Variants in AFAP1L1 observed in about 807,000 individuals in gnomAD.
AFAP1L1 encodes the protein actin filament associated protein 1 like 1, also known as actin filament-associated protein 1-like 1.
Under a neutral mutation model 99.8 loss-of-function variants are expected in AFAP1L1, and 77 were observed. That is an observed-to-expected ratio of 0.77 (90% CI 0.64 to 0.93). The LOEUF is 0.93. Among genes scored for constraint, AFAP1L1 ranks in the 40% least tolerant of loss-of-function variants. The pLI, the probability that AFAP1L1 is intolerant of heterozygous loss-of-function variation, is 0.00. For synonymous variants in AFAP1L1, 373 were observed against 395.3 expected, an observed-to-expected ratio of 0.94 and a Z score of 0.67; for missense variants, 893 against 996.8, an observed-to-expected ratio of 0.90 and a Z score of 1.40.
At chr5:149,314,861 C>T (rs1020424508) in intron 9 of AFAP1L1, among the ~76,000 whole-genome samples, 27 of 152,204 alleles carry the variant, frequency 1.8e-4, no homozygotes, top group African/African-American at 6.5e-4. Flanking sequence ...TCATTTAATC[C>T]TGGCCCAAGT....
chr5:149,304,510 C>G (rs1756333093), intron 5 of AFAP1L1, among the ~76,000 whole-genome samples: 1 of 152,214 alleles, frequency 6.6e-6, no homozygotes, highest in African/African-American at 2.4e-5. Context: ...GAACTCACTT[C>G]CCTCTCAGAC....
chr5:149,305,044 T>C (rs550040842), intron 5 of AFAP1L1, among the ~76,000 whole-genome samples: 1 of 152,344 alleles, frequency 6.6e-6, no homozygotes, highest in East Asian at 1.9e-4. Context: ...TGTGGCTTGC[T>C]TCCTTGTCTA....
intron 12 of AFAP1L1, among the ~76,000 whole-genome samples, chr5:149,319,212 G>T (rs1006386328): frequency 2.0e-5 from 3 of 152,190 alleles, no homozygotes; most frequent in Admixed American, 2.0e-4. Context: ...AGTTATATGA[G>T]AAATGGCCTC....
chr5:149,339,716 A>G (rs537393861), intron 18 of AFAP1L1, among the ~76,000 whole-genome samples: 1 of 152,344 alleles, frequency 6.6e-6, no homozygotes, highest in South Asian at 2.1e-4. Flanking sequence ...TTGTTCTAAC[A>G]TAATGGATCT....
intron 6 of AFAP1L1, among the ~76,000 whole-genome samples, 177 bp downstream of exon 6, chr5:149,306,581 G>A (rs1016174060): frequency 1.4e-4 from 21 of 152,248 alleles, no homozygotes; most frequent in African/African-American, 5.1e-4. Flanking sequence ...AAAGACCGCT[G>A]GAATGGGAGT....
chr5:149,336,922 C>G (rs1336085021), intron 18 of AFAP1L1, among the ~76,000 whole-genome samples: 1 of 152,072 alleles, frequency 6.6e-6, no homozygotes, highest in East Asian at 1.9e-4. Flanking sequence ...GCTCAGGAAG[C>G]CTTTCTAGAC....
Position 149,317,823 on chromosome 5 carries a change from G to A in AFAP1L1, c.1362G>A (p.Leu454=), listed in dbSNP as rs1464646991. 3 of 1,612,958 alleles carry A rather than the reference G, an allele frequency of 1.9e-6. No homozygotes were observed. Among genetic ancestry groups the A allele is most frequent in the Non-Finnish European group, 1.7e-6 (2 of 1,179,636 alleles). ...ATTTCCACAAGGATCACATGGACCT[G>A]CGAACCCATGTGAACGCCATCGCCC... is the stretch of plus-strand genomic sequence containing the variant. ...TLYFHKDHMD[L]RTHVNAIALQ... Residue 454 remains leucine (L), a synonymous_variant, in exon 12 of 19, where the codon CTG becomes CTA. Transcript: ENST00000296721.
At chr5:149,307,887 G>T (rs1003699342) in intron 7 of AFAP1L1, among the ~76,000 whole-genome samples, 3 of 132,126 alleles carry the variant, frequency 2.3e-5, no homozygotes, top group African/African-American at 8.4e-5. Context: ...TAGGCACGGT[G>T]GCTCACACCT....
chr5:149,286,565 C>G (rs1485831987), intron 1 of AFAP1L1, among the ~76,000 whole-genome samples: 1 of 152,180 alleles, frequency 6.6e-6, no homozygotes, highest in Non-Finnish European at 1.5e-5. Context: ...CCACCTAATG[C>G]TTTGTTTTTC....
At chr5:149,290,348 T>C (rs1311028895) in intron 1 of AFAP1L1, among the ~76,000 whole-genome samples, 5 of 152,238 alleles carry the variant, frequency 3.3e-5, no homozygotes, top group Admixed American at 3.3e-4. Flanking sequence ...GCTTACTATG[T>C]GCCAGACTCT....
At chr5:149,316,946 C>G (rs1283801234) in intron 11 of AFAP1L1, among the ~76,000 whole-genome samples, 4 of 152,172 alleles carry the variant, frequency 2.6e-5, no homozygotes, top group African/African-American at 7.2e-5. Flanking sequence ...GGGAGGATCA[C>G]TTGAGCCCTG....
intron 15 of AFAP1L1, among the ~76,000 whole-genome samples, chr5:149,326,969 C>A (rs1179251938): frequency 2.6e-5 from 4 of 152,136 alleles, no homozygotes; most frequent in Non-Finnish European, 5.9e-5. Context: ...AACAACCCAA[C>A]AACCCGGTTG....
rs985353506 is a variant in AFAP1L1, at chr5:149,312,161, T to A, written c.977T>A (p.Val326Asp). ...KPVGGAEGVE[V>D]PRSPVLLCKL... ...GTTGGGGGAGCTGAGGGAGTGGAGG[T>A]CCCCAGATCCCCAGTCCTCCTGTGC... Residue 326 changes from valine (V) to aspartate (D), a missense_variant, in exon 9 of 19, where the codon GTC becomes GAC. Physicochemically the swap from Val to Asp is radical, Grantham distance 152 (BLOSUM62 -3). Transcript: ENST00000296721. 1.9e-6 allele frequency: 3 copies of A among 1,613,824 alleles called. No individual in the cohort carries two copies. The highest frequency in any genetic ancestry group is 2.7e-5 in the African/African-American group (2 of 74,862).
At chr5:149,329,856 C>T in intron 16 of AFAP1L1, 26 bp downstream of exon 16, 1 of 1,572,648 alleles carries the variant, frequency 6.4e-7, no homozygotes, top group Non-Finnish European at 8.6e-7. Flanking sequence ...TGGTCCTGAG[C>T]ACCTATGGGT....
chr5:149,321,909 T>C (rs912655072), intron 14 of AFAP1L1, among the ~76,000 whole-genome samples: 4 of 151,910 alleles, frequency 2.6e-5, no homozygotes, highest in African/African-American at 9.7e-5. Flanking sequence ...TGCACATCTG[T>C]TGTCCCAACT....
At chr5:149,273,231 C>A (rs761710059) in intron 1 of AFAP1L1, among the ~76,000 whole-genome samples, 3 of 150,210 alleles carry the variant, frequency 2.0e-5, no homozygotes, top group Admixed American at 6.7e-5. Context: ...GTTGTTGTTG[C>A]TGTTATTAAT....
At chr5:149,303,685 AACAC>A (rs145563644) in intron 5 of AFAP1L1, among the ~76,000 whole-genome samples, 11 of 151,740 alleles carry the variant, frequency 7.2e-5, no homozygotes, top group Non-Finnish European at 1.0e-4. Flanking sequence ...GGTGTACACA[AACAC>A]ACACACACAC....
Position 149,307,568 on chromosome 5 carries a change from G to A in AFAP1L1, c.702G>A (p.Gly234=), listed in dbSNP as rs1756460812. The part of the protein sequence containing the change: ...CAFLLRKKRF[G]QWAKQLTVIR... ...TCCTGCTGCGGAAAAAGCGTTTCGG[G>A]CAGTGGGCCAAGCAGCTGACGGTCA... Residue 234 remains glycine, a synonymous_variant, in exon 7 of 19, where the codon GGG becomes GGA. Transcript: ENST00000296721. The A allele has an allele frequency of 1.2e-6, 2 of 1,613,412 alleles. No individual in the cohort carries two copies. The highest frequency in any genetic ancestry group is 1.7e-6 in the Non-Finnish European group (2 of 1,180,016).
chr5:149,329,920 G>C (rs1757209101), intron 16 of AFAP1L1, 90 bp downstream of exon 16: 17 of 1,222,440 alleles, frequency 1.4e-5, no homozygotes, highest in Non-Finnish European at 1.7e-5. Context: ...AAGTCACCTG[G>C]TTTCTTACCC....
Sources: allele counts gnomAD v4.1 joint callset (sites outside exome capture counted in the v4.1 genomes callset), GRCh38; gene constraint gnomAD v4.1.1; transcripts MANE v1.5; gene names NCBI Gene and HGNC (gene_info 2026-07-23, HGNC 2026-07-21).